Variants in CCDC60 observed in about 807,000 individuals in gnomAD.
CCDC60 encodes coiled-coil domain containing 60.
In CCDC60, 54 loss-of-function variants were observed where a neutral mutation model predicts 63.5. The observed-to-expected ratio is 0.85, with a 90% CI of 0.68 to 1.07. CCDC60 has a LOEUF of 1.07. Ranked by LOEUF, CCDC60 falls within the 50% of genes least tolerant of loss-of-function variation. CCDC60 has a pLI of 0.00. For missense variants in CCDC60, 651 were observed against 684.3 expected (o/e 0.95, Z 0.54); for synonymous variants, 206 against 238.8 (o/e 0.86, Z 1.27).
intron 7 of CCDC60, among the ~76,000 whole-genome samples, chr12:119,506,336 C>T (rs7961359): frequency 0.011 from 1,647 of 150,594 alleles, 32 homozygotes; most frequent in African/African-American, 0.037. Context: ...GGCATGGTGG[C>T]TCATGTCTGT....
intron 1 of CCDC60, among the ~76,000 whole-genome samples, chr12:119,362,124 G>A (rs575777197): frequency 2.6e-5 from 4 of 152,212 alleles, no homozygotes; most frequent in South Asian, 2.1e-4. Flanking sequence ...ATCTATAGCT[G>A]TGTCTATATC....
chr12:119,514,736 C>T (rs117316222), intron 7 of CCDC60, among the ~76,000 whole-genome samples: 29 of 151,522 alleles, frequency 1.9e-4, no homozygotes, highest in Non-Finnish European at 1.3e-4. Flanking sequence ...TTACTGCAGC[C>T]TAAGTGTACA....
At chr12:119,379,886 G>A (rs1232696151) in intron 1 of CCDC60, among the ~76,000 whole-genome samples, 2 of 152,166 alleles carry the variant, frequency 1.3e-5, no homozygotes, top group Admixed American at 6.5e-5. Context: ...CCCAGCAGGC[G>A]AAATGCAGAT....
rs146371494 is a variant in CCDC60 at position 119,531,183 on chromosome 12, ATTC to A, written c.1551+122_1551+124del. The A allele has an allele frequency of 4.6e-3, 3,706 of 812,688 alleles. 86 individuals carry two copies. The African/African-American group carries it at 0.056, about 12-fold the overall frequency. The allele number at this position is 812,688 out of a possible 1,614,324, so 50.3% of individuals were successfully genotyped here. A position where few individuals can be genotyped will look rare whatever the true frequency, so the allele number is the denominator to read the frequency against. ...AGTCCCCTGCCTTTATGGAGCTCAT[ATTC>A]TAATAGTAGAGGGATTGTCCCATTA... On this transcript the variant is annotated intron_variant, in intron 13 of 13. Transcript: ENST00000327554.
intron 3 of CCDC60, among the ~76,000 whole-genome samples, chr12:119,472,576 C>CTT (rs11303138): frequency 4.5e-4 from 44 of 97,644 alleles, no homozygotes; most frequent in African/African-American, 1.2e-3. Context: ...AAAATGCCTC[C>CTT]TTTTTTTTTT....
intron 2 of CCDC60, among the ~76,000 whole-genome samples, chr12:119,458,760 T>A (rs1026217547): frequency 6.6e-6 from 1 of 152,048 alleles, no homozygotes; most frequent in Non-Finnish European, 1.5e-5. Context: ...TTTGTTTTTG[T>A]TTTTGAGACA....
chr12:119,518,345 C>T (rs1451244964), intron 8 of CCDC60, among the ~76,000 whole-genome samples: 1 of 152,202 alleles, frequency 6.6e-6, no homozygotes, highest in Non-Finnish European at 1.5e-5. Context: ...GACAAGTCAT[C>T]TAGCCTTTCT....
intron 7 of CCDC60, among the ~76,000 whole-genome samples, chr12:119,507,591 C>CATATAT (rs57668490): frequency 6.1e-4 from 14 of 23,020 alleles, no homozygotes; most frequent in Non-Finnish European, 9.1e-4. Flanking sequence ...CATATATATA[C>CATATAT]ATATATATAT....
At chr12:119,428,574 T>C in intron 1 of CCDC60, 109 bp from the exon 2 acceptor site, 1 of 722,624 alleles carries the variant, frequency 1.4e-6, no homozygotes, top group East Asian at 2.7e-5. Flanking sequence ...CAGGACTCCT[T>C]AAACCTAGCC....
rs1395007449 is a variant in CCDC60 at position 119,398,627 on chromosome 12, T to TC, written c.91-30054dup. Reference sequence around the variant, plus strand: ...TCTATCCTGGGCAGCAGAGCAAAACTCCATTCCTTTAAAAAAATCAAATTG... The same window carrying TC: ...TCTATCCTGGGCAGCAGAGCAAAACTCCCATTCCTTTAAAAAAATCAAATTG... On this transcript the variant is annotated intron_variant, in intron 1 of 13. Transcript: ENST00000327554. 3.3e-5 allele frequency among the ~76,000 whole-genome samples: 5 copies of TC among 152,176 alleles called. 1 individual carries two copies. The highest frequency in any genetic ancestry group is 2.6e-4 in the Admixed American group (4 of 15,282).
At chr12:119,337,806 G>A (rs950880552) in intron 1 of CCDC60, among the ~76,000 whole-genome samples, 12 of 145,446 alleles carry the variant, frequency 8.3e-5, no homozygotes, top group East Asian at 2.1e-4. Flanking sequence ...TTAGATTCAC[G>A]CATGTGTGTG....
At chr12:119,455,617 T>C (rs1222800192) in intron 2 of CCDC60, among the ~76,000 whole-genome samples, 4 of 151,676 alleles carry the variant, frequency 2.6e-5, no homozygotes, top group Admixed American at 2.6e-4. Flanking sequence ...AATCCTAAAT[T>C]TTTGGGAGGC....
intron 2 of CCDC60, among the ~76,000 whole-genome samples, chr12:119,463,705 A>G (rs1353613383): frequency 6.6e-6 from 1 of 152,240 alleles, no homozygotes; most frequent in Non-Finnish European, 1.5e-5. Context: ...CAGCATCTCA[A>G]GTGTACACTG....
At chr12:119,424,765 C>T (rs1351269863) in intron 1 of CCDC60, among the ~76,000 whole-genome samples, 2 of 152,124 alleles carry the variant, frequency 1.3e-5, no homozygotes, top group Non-Finnish European at 2.9e-5. Context: ...TTAAACAAAA[C>T]TATAATTATA....
At chr12:119,520,323 C>T (rs1363983217) in intron 9 of CCDC60, 131 bp downstream of exon 9, 1 of 723,528 alleles carries the variant, frequency 1.4e-6, no homozygotes, top group African/African-American at 1.8e-5. Context: ...CTTCTTATGA[C>T]CTCACTAGAA....
intron 1 of CCDC60, among the ~76,000 whole-genome samples, chr12:119,345,347 C>T (rs2136146966): frequency 6.6e-6 from 1 of 152,082 alleles, no homozygotes; most frequent in Middle Eastern, 3.4e-3. Flanking sequence ...ACTAAAAATA[C>T]CAAAATTAGC....
intron 11 of CCDC60, among the ~76,000 whole-genome samples, chr12:119,525,118 T>C (rs1425512349): frequency 6.6e-6 from 1 of 152,216 alleles, no homozygotes; most frequent in Admixed American, 6.5e-5. Context: ...ATTTTGTAGA[T>C]GATAAAAGTG....
chr12:119,386,602 G>T (rs1956065324), intron 1 of CCDC60, among the ~76,000 whole-genome samples: 1 of 152,118 alleles, frequency 6.6e-6, no homozygotes, highest in African/African-American at 2.4e-5. Flanking sequence ...GCCGTCTGAG[G>T]GCTGCTGGGC....
At chr12:119,494,422 C>G (rs903138407) in intron 5 of CCDC60, among the ~76,000 whole-genome samples, 4 of 152,180 alleles carry the variant, frequency 2.6e-5, no homozygotes, top group Non-Finnish European at 5.9e-5. Context: ...CCTGGTGCCA[C>G]AGGGGCAGTA....
Sources: allele counts gnomAD v4.1 joint callset (sites outside exome capture counted in the v4.1 genomes callset), GRCh38; gene constraint gnomAD v4.1.1; transcripts MANE v1.5; gene names NCBI Gene and HGNC (gene_info 2026-07-23, HGNC 2026-07-21).